THSD4: variants seen among roughly 807,000 people sequenced by gnomAD.
THSD4 encodes thrombospondin type 1 domain containing 4, also known as thrombospondin type-1 domain-containing protein 4.
Under a neutral mutation model 119.0 loss-of-function variants are expected in THSD4, and 69 were observed. That is an observed-to-expected ratio of 0.58 (90% CI 0.48 to 0.71). The LOEUF (loss-of-function observed/expected upper bound fraction) is 0.71, where lower values mean the gene tolerates loss of function less well. Among genes scored for constraint, THSD4 ranks in the 30% least tolerant of loss-of-function variants. The probability of loss-of-function intolerance (pLI) is 0.00; values close to 1 mark genes in which losing one functional copy is unlikely to be tolerated. For synonymous variants in THSD4, 524 were observed against 540.4 expected, an observed-to-expected ratio of 0.97 and a Z score of 0.42; for missense variants, 1,393 against 1,391.1, an observed-to-expected ratio of 1.00 and a Z score of -0.02.
At chr15:71,534,849 G>C (rs1488239401) in intron 7 of THSD4, among the ~76,000 whole-genome samples, 4 of 152,030 alleles carry the variant, frequency 2.6e-5, no homozygotes. Context: ...GTGGTGGTGG[G>C]TGTGTGTGTT....
chr15:71,631,287 A>G (rs576267919), intron 7 of THSD4, among the ~76,000 whole-genome samples: 6 of 152,276 alleles, frequency 3.9e-5, no homozygotes, highest in African/African-American at 1.2e-4. Context: ...ATTCTAGGAT[A>G]CACTCAGGGT....
At chr15:71,152,923 G>T (rs1357000846) in intron 2 of THSD4, among the ~76,000 whole-genome samples, 1 of 152,104 alleles carries the variant, frequency 6.6e-6, no homozygotes, top group African/African-American at 2.4e-5. Flanking sequence ...ACCTCATTCT[G>T]GTGAAAATCT....
intron 9 of THSD4, 173 bp downstream of exon 9, chr15:71,728,897 C>G (rs2052919089): frequency 5.1e-6 from 4 of 780,318 alleles, no homozygotes; most frequent in Admixed American, 4.7e-5. Flanking sequence ...GCCTTTACTT[C>G]TGAATGGGCC....
intron 7 of THSD4, among the ~76,000 whole-genome samples, chr15:71,633,318 C>T (rs1032629924): frequency 7.1e-6 from 1 of 139,938 alleles, no homozygotes; most frequent in African/African-American, 2.6e-5. Flanking sequence ...CTCTGTTGCC[C>T]AGGCTGAAGT....
chr15:71,629,976 C>A (rs940326523), intron 7 of THSD4, among the ~76,000 whole-genome samples: 1 of 152,138 alleles, frequency 6.6e-6, no homozygotes, highest in Admixed American at 6.5e-5. Context: ...CAGAGAGGGG[C>A]CTCTGTCTCT....
At chr15:71,257,410 G>A (rs980952567) in intron 6 of THSD4, among the ~76,000 whole-genome samples, 3 of 152,118 alleles carry the variant, frequency 2.0e-5, no homozygotes, top group African/African-American at 7.2e-5. Flanking sequence ...AGAATTTGTG[G>A]GGGTTCTATG....
chr15:71,627,196 G>A (rs1012299759), intron 7 of THSD4, among the ~76,000 whole-genome samples: 2 of 152,338 alleles, frequency 1.3e-5, no homozygotes, highest in Admixed American at 6.5e-5. Flanking sequence ...TCTGTGTGAA[G>A]GGGAGTTAAA....
intron 6 of THSD4, among the ~76,000 whole-genome samples, chr15:71,256,980 G>A (rs1472422006): frequency 6.6e-6 from 1 of 152,198 alleles, no homozygotes; most frequent in Non-Finnish European, 1.5e-5. Context: ...GCAGGGTGAG[G>A]GGGACAGAAC....
At chr15:71,097,168 T>C (rs1403468004) in intron 1 of THSD4, among the ~76,000 whole-genome samples, 1 of 152,204 alleles carries the variant, frequency 6.6e-6, no homozygotes, top group Non-Finnish European at 1.5e-5. Context: ...TTTCCTTTGT[T>C]TGGGAAAAGT....
chr15:71,303,782 A>G (rs758479535), intron 6 of THSD4, among the ~76,000 whole-genome samples: 1 of 152,118 alleles, frequency 6.6e-6, no homozygotes, highest in African/African-American at 2.4e-5. Context: ...TGACTCTGGC[A>G]TGGTTACCTC....
intron 6 of THSD4, among the ~76,000 whole-genome samples, chr15:71,368,561 T>A (rs1596372976): frequency 6.6e-6 from 1 of 152,234 alleles, no homozygotes; most frequent in East Asian, 1.9e-4. Context: ...CCATTTCTTG[T>A]TTTTGTCAGG....
At chr15:71,121,968 G>T (rs1027594729) in intron 1 of THSD4, among the ~76,000 whole-genome samples, 25 of 152,038 alleles carry the variant, frequency 1.6e-4, no homozygotes, top group Admixed American at 1.5e-3. Context: ...ATCATGTAGG[G>T]GAGTTTATTG....
intron 3 of THSD4, among the ~76,000 whole-genome samples, chr15:71,170,234 C>T (rs2043343961): frequency 6.6e-6 from 1 of 152,162 alleles, no homozygotes; most frequent in Non-Finnish European, 1.5e-5. Flanking sequence ...GAGAGAACTA[C>T]ACAGACAGAA....
intron 6 of THSD4, among the ~76,000 whole-genome samples, chr15:71,333,772 G>T (rs575924170): frequency 5.9e-5 from 9 of 152,296 alleles, no homozygotes; most frequent in African/African-American, 2.2e-4. Flanking sequence ...AACACCCAAT[G>T]TTTAAGGTAG....
intron 7 of THSD4, among the ~76,000 whole-genome samples, chr15:71,586,605 C>T (rs1199992242): frequency 6.6e-6 from 1 of 152,156 alleles, no homozygotes; most frequent in African/African-American, 2.4e-5. Flanking sequence ...TCTCATACTT[C>T]AAACCTGTGA....
At chr15:71,760,021 G>A (rs570434130) in intron 15 of THSD4, among the ~76,000 whole-genome samples, 1 of 152,212 alleles carries the variant, frequency 6.6e-6, no homozygotes, top group South Asian at 2.1e-4. Context: ...TGAAATAAGA[G>A]CATGCTTATT....
intron 7 of THSD4, among the ~76,000 whole-genome samples, chr15:71,530,325 T>G (rs555391512): frequency 2.0e-4 from 31 of 152,046 alleles, no homozygotes; most frequent in Non-Finnish European, 4.1e-4. Context: ...ACTCCCCAGT[T>G]CAGTATGGTG....
chr15:71,479,396 T>G (rs1237589312), intron 7 of THSD4, among the ~76,000 whole-genome samples: 1 of 152,152 alleles, frequency 6.6e-6, no homozygotes, highest in Admixed American at 6.5e-5. Flanking sequence ...CTGACACTAG[T>G]GAAATTACTT....
chr15:71,588,051 A>C (rs2049716939), intron 7 of THSD4, among the ~76,000 whole-genome samples: 1 of 152,056 alleles, frequency 6.6e-6, no homozygotes, highest in Non-Finnish European at 1.5e-5. Flanking sequence ...TCACGCCTGT[A>C]ATCCCAGCAC....
Sources: gnomAD v4.1 joint callset for allele counts (sites outside exome capture counted in the v4.1 genomes callset) on GRCh38, gnomAD v4.1.1 for gene constraint, MANE v1.5 for transcripts, NCBI Gene and HGNC (gene_info 2026-07-23, HGNC 2026-07-21) for gene names.